The following IRS2 variants were observed in gnomAD, a reference collection of about 807,000 sequenced individuals.
IRS2 encodes the protein insulin receptor substrate 2.
In IRS2, 28 loss-of-function variants were observed where a neutral mutation model predicts 70.9. The observed-to-expected ratio is 0.39, with a 90% CI of 0.29 to 0.54. The LOEUF is 0.54. Ranked by LOEUF, IRS2 falls within the 20% of genes least tolerant of loss-of-function variation. The probability of loss-of-function intolerance (pLI) is 0.59; values close to 1 mark genes in which losing one functional copy is unlikely to be tolerated. For missense variants in IRS2, 2,081 were observed against 2,024.1 expected, an observed-to-expected ratio of 1.03 and a Z score of -0.54; for synonymous variants, 1,217 against 981.9, an observed-to-expected ratio of 1.24 and a Z score of -4.48.
chr13:109,786,059 G>A lies in IRS2; in HGVS notation c.-6C>T, dbSNP rs1018845559. The A allele has an allele frequency of 1.7e-6, 2 of 1,202,256 alleles. No homozygotes were observed. Among genetic ancestry groups the A allele is most frequent in the African/African-American group, 1.6e-5 (1 of 61,606 alleles). The allele number at this position is 1,202,256 out of a possible 1,614,324, so 74.5% of individuals were successfully genotyped here. ...TGCCGCGGCGGGCTCGCCATCGCGG[G>A]CGCTTCAGGCCGCGCGGCCCGGGCC... On this transcript the variant is annotated 5_prime_UTR_variant, in exon 1 of 2. Coordinates refer to ENST00000375856, the MANE Select transcript of IRS2 (RefSeq NM_003749.3). The surrounding 1 kb of genome is among the most constrained non-coding windows in gnomAD (Gnocchi z 4.4).
At chr13:109,776,360 T>A (rs965191631) in intron 1 of IRS2, among the ~76,000 whole-genome samples, 2 of 152,218 alleles carry the variant, frequency 1.3e-5, no homozygotes, top group Non-Finnish European at 2.9e-5. Context: ...GCTTCACCTT[T>A]ACCCATTCAA....
In IRS2 at chr13:109,777,952, C is replaced by A. The variant is rs1230217530; in HGVS notation, c.4012+4090G>T. 2.6e-5 allele frequency among the ~76,000 whole-genome samples: 4 copies of A among 152,122 alleles called. No individual in the cohort carries two copies. The South Asian group carries it at 6.2e-4, about 24-fold the overall frequency. On this transcript the variant is annotated intron_variant, in intron 1 of 1. Coordinates refer to ENST00000375856, the MANE Select transcript of IRS2 (RefSeq NM_003749.3). ...AGCCTGGAGCGGAACTAGCAATAAG[C>A]AGTAAAGGTAAGCAATTTTTAAGGT...
In IRS2 at chr13:109,782,091, G is replaced by A. The variant is rs1486379021; in HGVS notation, c.3963C>T (p.Ala1321=). The change falls in exon 1 of 2, where the codon GCC becomes GCT. Residue 1321 remains alanine (A), a synonymous_variant. Coordinates refer to ENST00000375856, the MANE Select transcript of IRS2 (RefSeq NM_003749.3). ...PGALPPANTY[A]SIDFLSHHLK... ...AGTGGTGGGACAAGAAGTCAATGCTGGCGTAGGTGTTGGCAGGGGGCAGGG... is the reference window on the plus strand; with the variant it reads ...AGTGGTGGGACAAGAAGTCAATGCTAGCGTAGGTGTTGGCAGGGGGCAGGG... 3.1e-6 allele frequency: 5 copies of A among 1,612,394 alleles called. No individual in the cohort carries two copies. In the Admixed American group the frequency reaches 6.7e-5, roughly 22 times the overall value.
Position 109,784,708 on chromosome 13 carries a change from G to C in IRS2, c.1346C>G (p.Ser449Trp). 1 of 1,231,604 alleles carries C rather than the reference G, an allele frequency of 8.1e-7. No homozygotes were observed. The highest frequency in any genetic ancestry group is 1.0e-6 in the Non-Finnish European group (1 of 989,254). 76.3% of individuals were successfully genotyped at this position (1,231,604 alleles called of 1,614,324 possible). ...PPAATSPGSL[S>W]SSSGHGSGSY... ...GCCCGAGCCGTGGCCGCTGCTGGAC[G>C]ACAGGGAGCCGGGGCTGGTGGCGGC... The change falls in exon 1 of 2, where the codon TCG (serine) becomes TGG (tryptophan). Residue 449 changes from serine to tryptophan, a missense_variant. This residue lies in a region of IRS2 where 1,615 missense variants were observed against 1,459.5 expected (regional missense o/e 1.11). Coordinates refer to ENST00000375856, the MANE Select transcript of IRS2 (RefSeq NM_003749.3). This position sits in a 1 kb window ranked among gnomAD's most constrained non-coding sequence, Gnocchi z 5.2.
chr13:109,760,615 T>C (rs865799160), intron 1 of IRS2, among the ~76,000 whole-genome samples: 9 of 152,364 alleles, frequency 5.9e-5, no homozygotes, highest in Middle Eastern at 3.4e-3. Context: ...ATACGTGGGA[T>C]ACAGTCCCCT....
At position 109,784,878 on chromosome 13, in the gene IRS2, G is replaced by A. The variant is rs1877867028; in HGVS notation, c.1176C>T (p.Pro392=). Residue 392 remains proline (P), a synonymous_variant, in exon 1 of 2, where the codon CCC becomes CCT. Transcript: ENST00000375856. The surrounding 1 kb of genome is among the most constrained non-coding windows in gnomAD (Gnocchi z 5.2). ...PVSVAGSPLS[P]GPVRAPLSRS... ...GGCTCAGGGGCGCGCGCACCGGCCC[G>A]GGGCTCAGGGGGCTCCCAGCCACCG... The A allele has an allele frequency of 9.1e-6, 10 of 1,099,228 alleles. No homozygotes were observed. Among genetic ancestry groups the A allele is most frequent in the South Asian group, 4.2e-5 (1 of 23,948 alleles). 68.1% of individuals were successfully genotyped at this position (1,099,228 alleles called of 1,614,324 possible).
chr13:109,783,723 C>G lies in IRS2; in HGVS notation c.2331G>C (p.Thr777=), dbSNP rs1177596435. The change falls in exon 1 of 2, where the codon ACG becomes ACC. Residue 777 remains threonine, a synonymous_variant. Coordinates refer to ENST00000375856, the MANE Select transcript of IRS2 (RefSeq NM_003749.3). ...CGGAGAAGAAGTCGGGCGGGGTGCC[C>G]GTGGTGACCGCGTCGCTGGGGGACA... ...LNVSPSDAVT[T]GTPPDFFSAA... The G allele has an allele frequency of 6.3e-7, 1 of 1,577,086 alleles. No individual in the cohort carries two copies. Among genetic ancestry groups the G allele is most frequent in the Admixed American group, 1.8e-5 (1 of 55,226 alleles).
chr13:109,777,734 A>G (rs1877611980), intron 1 of IRS2, among the ~76,000 whole-genome samples: 1 of 152,220 alleles, frequency 6.6e-6, no homozygotes, highest in Non-Finnish European at 1.5e-5. Context: ...TCTTGTCAAC[A>G]TCTCTTAATA....
chr13:109,777,831 C>A (rs1173469911), intron 1 of IRS2, among the ~76,000 whole-genome samples: 9 of 152,170 alleles, frequency 5.9e-5, no homozygotes, highest in South Asian at 2.1e-4. Flanking sequence ...TGTTACTTTA[C>A]TATGTAATTT....
rs1034104 is a variant in IRS2 at position 109,752,780 on chromosome 13, G to T, written c.*3524C>A. The stretch of plus-strand genomic sequence containing the variant: ...CATTTTAGGGCAAAGTGGATGCACG[G>T]ACAAATGTTTCAAGCAAGGAGGTAA... On this transcript the variant is annotated 3_prime_UTR_variant, in exon 2 of 2. Transcript: ENST00000375856. The T allele has an allele frequency of 2.0e-5, 3 of 151,994 alleles. No individual in the cohort carries two copies. The highest frequency in any genetic ancestry group is 2.4e-5 in the African/African-American group (1 of 41,306). The allele number at this position is 151,994 out of a possible 1,614,324, so 9.4% of individuals were successfully genotyped here. A position where few individuals can be genotyped will look rare whatever the true frequency, so the allele number is the denominator to read the frequency against.
At position 109,783,949 on chromosome 13, in the gene IRS2, ACGG is replaced by A. The variant is rs34412495; in HGVS notation, c.2102_2104del (p.Ala701del). On this transcript the variant is annotated inframe_deletion, in exon 1 of 2. Transcript: ENST00000375856. ...TGGCCCCGCAGGCCCCGCAGAAGGC[ACGG>A]CGGCGGCGGCGGCGGCGGCGGCCCT... 4.1e-4 allele frequency: 625 copies of A among 1,513,160 alleles called. 2 individuals carry two copies. The highest frequency in any genetic ancestry group is 3.4e-3 in the Admixed American group (158 of 45,922). The allele number at this position is 1,513,160 out of a possible 1,614,324, so 93.7% of individuals were successfully genotyped here.
intron 1 of IRS2, among the ~76,000 whole-genome samples, chr13:109,763,945 C>T (rs1249655500): frequency 1.3e-5 from 2 of 152,118 alleles, no homozygotes; most frequent in Non-Finnish European, 2.9e-5. Flanking sequence ...GGTAAATCCC[C>T]CCTCCTCGGT....
At position 109,782,264 on chromosome 13, in the gene IRS2, G is replaced by A. The variant is rs780308804; in HGVS notation, c.3790C>T (p.Leu1264=). 3.1e-6 allele frequency: 5 copies of A among 1,608,754 alleles called. No individual in the cohort carries two copies. Among genetic ancestry groups the A allele is most frequent in the South Asian group, 1.1e-5 (1 of 90,814 alleles). Residue 1264 remains leucine, a synonymous_variant, in exon 1 of 2, where the codon CTG becomes TTG. Transcript: ENST00000375856. The part of the protein sequence containing the change: ...IAIDVREEPG[L]PPQPQPPPPP... ...GGCGGCGGCTGCGGCTGGGGTGGCA[G>A]CCCGGGCTCCTCCCTCACGTCGATG...
chr13:109,783,801 C>G lies in IRS2; in HGVS notation c.2253G>C (p.Leu751=), dbSNP rs2138933719. Residue 751 remains leucine, a synonymous_variant, in exon 1 of 2, where the codon CTG becomes CTC. Coordinates refer to ENST00000375856, the MANE Select transcript of IRS2 (RefSeq NM_003749.3). ...GCTTGCCATCTGCATGCTCCATGGACAGCTTGGAACCGCACCACATGCGCA... is the reference window on the plus strand; with the variant it reads ...GCTTGCCATCTGCATGCTCCATGGAGAGCTTGGAACCGCACCACATGCGCA... ...GYMRMWCGSK[L]SMEHADGKLL... The G allele has an allele frequency of 6.3e-7, 1 of 1,596,676 alleles. No individual in the cohort carries two copies. Among genetic ancestry groups the G allele is most frequent in the South Asian group, 1.1e-5 (1 of 88,702 alleles).
At chr13:109,761,676 G>GA (rs374758139) in intron 1 of IRS2, among the ~76,000 whole-genome samples, 6 of 151,408 alleles carry the variant, frequency 4.0e-5, no homozygotes, top group East Asian at 1.9e-4. Context: ...TTTTAAATTG[G>GA]AAAAAAAACT....
chr13:109,763,885 T>C (rs576326884), intron 1 of IRS2, among the ~76,000 whole-genome samples: 5 of 152,254 alleles, frequency 3.3e-5, no homozygotes, highest in Non-Finnish European at 7.3e-5. Flanking sequence ...TGTTGTTATA[T>C]ATCATTTCAA....
chr13:109,770,490 A>C (rs1877429778), intron 1 of IRS2, among the ~76,000 whole-genome samples: 1 of 152,152 alleles, frequency 6.6e-6, no homozygotes, highest in African/African-American at 2.4e-5. Context: ...CATCTGATGC[A>C]CCCCAGGTTC....
At chr13:109,775,984 CT>C (rs1357238256) in intron 1 of IRS2, among the ~76,000 whole-genome samples, 1 of 151,966 alleles carries the variant, frequency 6.6e-6, no homozygotes, top group African/African-American at 2.4e-5. Flanking sequence ...CCCATCTCTA[CT>C]AAAAATACAA....
At chr13:109,764,595 C>T (rs1207113004) in intron 1 of IRS2, among the ~76,000 whole-genome samples, 1 of 152,176 alleles carries the variant, frequency 6.6e-6, no homozygotes, top group Non-Finnish European at 1.5e-5. Context: ...ATACATGTAA[C>T]CACATGCTGT....
Sources: gnomAD v4.1 joint callset for allele counts (sites outside exome capture counted in the v4.1 genomes callset) on GRCh38, gnomAD v4.1.1 for gene constraint, gnomAD v4.1.1 regional missense constraint, Gnocchi (gnomAD v3.1) non-coding constraint, MANE v1.5 for transcripts, NCBI Gene and HGNC (gene_info 2026-07-23, HGNC 2026-07-21) for gene names.